C8orf76: variants seen among roughly 807,000 people sequenced by gnomAD.
The protein encoded by C8orf76 is uncharacterized protein C8orf76.
A neutral mutation model predicts 38.1 loss-of-function variants in C8orf76; 46 were observed. That is an observed-to-expected ratio of 1.21 (90% confidence interval 0.95 to 1.54). The LOEUF is 1.54. C8orf76 is among the 40% of genes most tolerant of loss of function. C8orf76 has a pLI of 0.00. For missense variants in C8orf76, 461 were observed against 441.6 expected, an observed-to-expected ratio of 1.04 and a Z score of -0.39; for synonymous variants, 166 against 167.5, an observed-to-expected ratio of 0.99 and a Z score of 0.07.
At chr8:123,234,098 A>G (rs1275677091) in intron 3 of C8orf76, among the ~76,000 whole-genome samples, 6 of 152,166 alleles carry the variant, frequency 3.9e-5, no homozygotes, top group South Asian at 4.1e-4. Context: ...TTCTGTAACA[A>G]TAACATGATG....
chr8:123,234,579 GACA>G (rs1458935712), intron 3 of C8orf76, among the ~76,000 whole-genome samples: 1 of 152,100 alleles, frequency 6.6e-6, no homozygotes, highest in African/African-American at 2.4e-5. Context: ...GACCAGACTG[GACA>G]ACATGATGAA....
At chr8:123,226,301 C>T (rs1825041316) in intron 5 of C8orf76, 199 bp downstream of exon 5, 2 of 1,405,234 alleles carry the variant, frequency 1.4e-6, no homozygotes, top group Non-Finnish European at 1.8e-6. Flanking sequence ...GAAACACAGC[C>T]CCTGCGGTCC....
intron 1 of C8orf76, chr8:123,239,916 CG>C (rs769287457): frequency 4.0e-5 from 6 of 149,268 alleles, no homozygotes; most frequent in Non-Finnish European, 7.4e-5. Context: ...CGCTTTAACC[CG>C]GGAGGTGGAG....
At chr8:123,223,556 C>T (rs1259260841) in intron 5 of C8orf76, among the ~76,000 whole-genome samples, 4 of 152,018 alleles carry the variant, frequency 2.6e-5, no homozygotes, top group African/African-American at 7.3e-5. Flanking sequence ...TGCAGTGAGC[C>T]GAGATAGTGC....
intron 3 of C8orf76, among the ~76,000 whole-genome samples, chr8:123,233,339 A>G (rs1349889569): frequency 6.6e-6 from 1 of 151,598 alleles, no homozygotes; most frequent in Admixed American, 6.6e-5. Flanking sequence ...TTTGATATTG[A>G]TAAAGCAAGT....
chr8:123,231,444 G>C lies in C8orf76; in HGVS notation c.671C>G (p.Ser224Cys). ...LCFPETLPES[S>C]LFSVEANSSN... is the part of the protein sequence containing the mutation. ...GCTATTCGCTTCCACAGAAAATAAAGAGCTCTCAGGCAAGGTTTCAGGAAA... is the reference window on the plus strand; with the variant it reads ...GCTATTCGCTTCCACAGAAAATAAACAGCTCTCAGGCAAGGTTTCAGGAAA... Residue 224 changes from serine to cysteine, a missense_variant, in exon 4 of 6, where the codon TCT becomes TGT. Ser to Cys is a moderately radical substitution (Grantham distance 112). Coordinates refer to ENST00000276704, the MANE Select transcript of C8orf76 (RefSeq NM_032847.3). The C allele has an allele frequency of 6.2e-7, 1 of 1,614,190 alleles. No individual in the cohort carries two copies. Among genetic ancestry groups the C allele is most frequent in the Non-Finnish European group, 8.5e-7 (1 of 1,180,038 alleles).
intron 5 of C8orf76, among the ~76,000 whole-genome samples, chr8:123,222,862 G>C (rs1824925786): frequency 6.6e-6 from 1 of 152,044 alleles, no homozygotes; most frequent in South Asian, 2.1e-4. Flanking sequence ...TCAGGATCAG[G>C]GTAGAAAAAA....
intron 1 of C8orf76, 96 bp from the exon 2 acceptor site, chr8:123,239,240 A>G: frequency 1.5e-6 from 2 of 1,336,608 alleles, no homozygotes; most frequent in Non-Finnish European, 2.1e-6. Context: ...TTAAACGTCA[A>G]AAAAAGACTT....
intron 5 of C8orf76, among the ~76,000 whole-genome samples, chr8:123,223,301 C>G (rs975937834): frequency 6.6e-6 from 1 of 152,018 alleles, no homozygotes; most frequent in Non-Finnish European, 1.5e-5. Context: ...AGGTATATAC[C>G]CAAAAGAATT....
chr8:123,234,034 A>G (rs546792064), intron 3 of C8orf76, among the ~76,000 whole-genome samples: 3 of 152,114 alleles, frequency 2.0e-5, no homozygotes, highest in South Asian at 4.2e-4. Flanking sequence ...TCTCAAAAAA[A>G]AAAAAAAAAT....
At chr8:123,226,365 A>T in intron 5 of C8orf76, 135 bp downstream of exon 5, 1 of 1,496,514 alleles carries the variant, frequency 6.7e-7, no homozygotes, top group South Asian at 1.3e-5. Context: ...TTGCTGAGTG[A>T]TCAAAAGGCA....
At position 123,224,287 on chromosome 8, in the gene C8orf76, C is replaced by A. The variant is rs952502847; in HGVS notation, c.948+2213G>T. ...TCATAGAATATTTAAGGATACAGGGCTATGTTATTACAAGTCAACTAAAAT... is the reference window on the plus strand; with the variant it reads ...TCATAGAATATTTAAGGATACAGGGATATGTTATTACAAGTCAACTAAAAT... On this transcript the variant is annotated intron_variant, in intron 5 of 5. Transcript: ENST00000276704. Among the ~76,000 whole-genome samples the A allele has an allele frequency of 1.1e-4, 17 of 151,988 alleles. 1 individual carries two copies. Among genetic ancestry groups the A allele is most frequent in the African/African-American group, 4.1e-4 (17 of 41,356 alleles).
intron 4 of C8orf76, 92 bp from the exon 5 acceptor site, chr8:123,226,724 A>G (rs1482846366): frequency 2.7e-6 from 4 of 1,484,058 alleles, no homozygotes; most frequent in Non-Finnish European, 3.5e-6. Context: ...AAGCCCAGGT[A>G]TTGAGTCGGC....
intron 5 of C8orf76, among the ~76,000 whole-genome samples, chr8:123,222,993 C>G (rs1824930042): frequency 6.6e-6 from 1 of 152,164 alleles, no homozygotes; most frequent in Non-Finnish European, 1.5e-5. Flanking sequence ...GATTCTATTT[C>G]TAATAATCTG....
At position 123,231,744 on chromosome 8, in the gene C8orf76, G is replaced by A; in HGVS notation, c.371C>T (p.Thr124Ile). The change falls in exon 4 of 6, where the codon ACC becomes ATC. Residue 124 changes from threonine (T) to isoleucine (I), a missense_variant. Coordinates refer to ENST00000276704, the MANE Select transcript of C8orf76 (RefSeq NM_032847.3). ...TACCGTGGTTAAATGGTCTGTGTTG[G>A]TTGCTTTATTTTCCTAAGGAGAAAA... ...EIAANLENKA[T>I]NTDHLTTVLY... is the part of the protein sequence containing the mutation. 1 of 1,579,960 alleles carries A rather than the reference G, an allele frequency of 6.3e-7. No individual in the cohort carries two copies. Among genetic ancestry groups the A allele is most frequent in the Non-Finnish European group, 8.5e-7 (1 of 1,169,958 alleles).
chr8:123,240,986 G>C (rs953181243), intron 1 of C8orf76, among the ~76,000 whole-genome samples: 5 of 152,226 alleles, frequency 3.3e-5, no homozygotes, highest in Non-Finnish European at 5.9e-5. Flanking sequence ...CAGCAGCCAG[G>C]CCGGCCAAAT....
intron 4 of C8orf76, among the ~76,000 whole-genome samples, chr8:123,230,687 T>A (rs954352720): frequency 1.3e-5 from 2 of 150,376 alleles, no homozygotes; most frequent in Non-Finnish European, 3.0e-5. Context: ...AGTCTTGCCC[T>A]GTCGCCAGGC....
chr8:123,222,264 G>A lies in C8orf76; in HGVS notation c.949-1967C>T, dbSNP rs137967969. 3.9e-3 allele frequency among the ~76,000 whole-genome samples: 598 copies of A among 152,276 alleles called. 4 individuals carry two copies. Among genetic ancestry groups the A allele is most frequent in the African/African-American group, 0.014 (569 of 41,556 alleles). The stretch of plus-strand genomic sequence containing the variant: ...CTCCCAAAGTGCTGGGATTACGGGC[G>A]TGCGCCACCGCGCCCGGCAGGCATC... On this transcript the variant is annotated intron_variant, in intron 5 of 5. Transcript: ENST00000276704.
chr8:123,237,688 C>A, intron 3 of C8orf76, 110 bp downstream of exon 3: 1 of 1,388,606 alleles, frequency 7.2e-7, no homozygotes, highest in South Asian at 1.9e-5. Flanking sequence ...TCTGCTTATC[C>A]AAACCCATAG....
Sources: gnomAD v4.1 joint callset for allele counts (sites outside exome capture counted in the v4.1 genomes callset) on GRCh38, gnomAD v4.1.1 for gene constraint, MANE v1.5 for transcripts, NCBI Gene and HGNC (gene_info 2026-07-23, HGNC 2026-07-21) for gene names.